The following MNAT1 variants were observed in gnomAD, a reference collection of about 807,000 sequenced individuals.
The protein encoded by MNAT1 is MNAT1 component of CDK activating kinase, also known as CDK-activating kinase assembly factor MAT1.
MNAT1 carries 43 observed loss-of-function variants against 42.0 expected under a neutral mutation model. The ratio of observed to expected loss-of-function variants is 1.02; its 90% confidence interval spans 0.80 to 1.32. MNAT1 has a LOEUF of 1.32. Among genes scored for constraint, MNAT1 ranks in the 40% most tolerant of loss-of-function variants. MNAT1 has a pLI of 0.00. For missense variants in MNAT1, 306 were observed against 350.4 expected, an observed-to-expected ratio of 0.87 and a Z score of 1.01; for synonymous variants, 118 against 120.0, an observed-to-expected ratio of 0.98 and a Z score of 0.11.
chr14:60,768,845 C>G (rs142091319), intron 1 of MNAT1, among the ~76,000 whole-genome samples: 104 of 152,302 alleles, frequency 6.8e-4, no homozygotes, highest in African/African-American at 2.4e-3. Flanking sequence ...CCATAATACA[C>G]TTTGTATAAA....
chr14:60,741,391 G>A (rs571502812), intron 1 of MNAT1, among the ~76,000 whole-genome samples: 5 of 151,864 alleles, frequency 3.3e-5, no homozygotes, highest in Non-Finnish European at 4.4e-5. Flanking sequence ...ATGGAATCTC[G>A]CTCTGTTGCC....
intron 6 of MNAT1, among the ~76,000 whole-genome samples, chr14:60,869,119 A>G (rs1237778972): frequency 2.0e-5 from 3 of 146,672 alleles, no homozygotes; most frequent in Non-Finnish European, 3.0e-5. Flanking sequence ...GCTCACTGCA[A>G]CCTCCACCTC....
intron 7 of MNAT1, among the ~76,000 whole-genome samples, chr14:60,883,173 G>C (rs186804166): frequency 6.6e-6 from 1 of 152,194 alleles, no homozygotes; most frequent in Non-Finnish European, 1.5e-5. Flanking sequence ...ATCCTGGAGC[G>C]TTTCCCCAAT....
intron 7 of MNAT1, among the ~76,000 whole-genome samples, chr14:60,909,801 A>T (rs569762143): frequency 4.3e-4 from 66 of 152,266 alleles, no homozygotes; most frequent in South Asian, 2.5e-3. Context: ...TGACTTGGCG[A>T]TGCGGGCTCT....
chr14:60,887,207 T>C (rs950444153), intron 7 of MNAT1, among the ~76,000 whole-genome samples: 5 of 152,098 alleles, frequency 3.3e-5, no homozygotes, highest in African/African-American at 1.2e-4. Flanking sequence ...AGAGCTGTTT[T>C]TTTTTCTTGT....
At chr14:60,771,492 A>G (rs1299157765) in intron 1 of MNAT1, among the ~76,000 whole-genome samples, 1 of 152,228 alleles carries the variant, frequency 6.6e-6, no homozygotes, top group Non-Finnish European at 1.5e-5. Context: ...ACAGTGGCCA[A>G]GAATGAGCCT....
At chr14:60,781,232 A>G (rs1465216255) in intron 1 of MNAT1, among the ~76,000 whole-genome samples, 1 of 152,186 alleles carries the variant, frequency 6.6e-6, no homozygotes, top group Admixed American at 6.5e-5. Context: ...GTTTTATAAA[A>G]TCAAGTTTTA....
At chr14:60,959,189 C>T (rs1407477698) in intron 7 of MNAT1, among the ~76,000 whole-genome samples, 2 of 152,166 alleles carry the variant, frequency 1.3e-5, no homozygotes, top group Non-Finnish European at 2.9e-5. Flanking sequence ...CCAGCAAAAG[C>T]CTGTTAGGGT....
chr14:60,942,672 A>G (rs2036193020), intron 7 of MNAT1, among the ~76,000 whole-genome samples: 1 of 152,268 alleles, frequency 6.6e-6, no homozygotes, highest in South Asian at 2.1e-4. Flanking sequence ...TGTAAAAATC[A>G]GCCCATTTTT....
chr14:60,810,388 G>T (rs2032505964), intron 4 of MNAT1, among the ~76,000 whole-genome samples: 2 of 151,838 alleles, frequency 1.3e-5, no homozygotes, highest in South Asian at 2.1e-4. Context: ...CTTACTTTGA[G>T]CTCAGTTTGT....
intron 6 of MNAT1, among the ~76,000 whole-genome samples, chr14:60,853,042 T>A (rs910480036): frequency 1.3e-5 from 2 of 152,146 alleles, no homozygotes; most frequent in East Asian, 3.9e-4. Context: ...CTTTTTTGGT[T>A]CCATATGAAA....
intron 7 of MNAT1, among the ~76,000 whole-genome samples, chr14:60,889,206 A>G (rs996317802): frequency 2.0e-4 from 31 of 152,226 alleles, no homozygotes; most frequent in Admixed American, 2.0e-3. Flanking sequence ...ACTATACTAC[A>G]AGGCTACAGT....
chr14:60,754,539 C>T lies in MNAT1; in HGVS notation c.89+19588C>T, dbSNP rs144378743. Among the ~76,000 whole-genome samples the T allele has an allele frequency of 5.1e-3, 781 of 151,818 alleles. 14 individuals are homozygous for T. Among genetic ancestry groups the T allele is most frequent in the African/African-American group, 0.018 (731 of 41,424 alleles). Reference sequence around the variant, plus strand: ...ATTTTTTTTTTATTTTTAGTAGAGACGGGGTTTCACCGTGTTAGCCACGAT... The same window carrying T: ...ATTTTTTTTTTATTTTTAGTAGAGATGGGGTTTCACCGTGTTAGCCACGAT... On this transcript the variant is annotated intron_variant, in intron 1 of 7. Transcript: ENST00000261245.
intron 7 of MNAT1, among the ~76,000 whole-genome samples, chr14:60,910,395 C>T (rs2035321463): frequency 1.3e-5 from 2 of 152,118 alleles, no homozygotes; most frequent in Non-Finnish European, 2.9e-5. Context: ...GCATCCCTGT[C>T]TTGTGCCAGT....
At chr14:60,797,734 T>G (rs1412850080) in intron 2 of MNAT1, among the ~76,000 whole-genome samples, 1 of 152,096 alleles carries the variant, frequency 6.6e-6, no homozygotes, top group Non-Finnish European at 1.5e-5. Context: ...GAGACCAGCC[T>G]GGCCAACATG....
At chr14:60,820,136 G>A (rs1200161932) in intron 6 of MNAT1, among the ~76,000 whole-genome samples, 1 of 152,002 alleles carries the variant, frequency 6.6e-6, no homozygotes, top group Non-Finnish European at 1.5e-5. Flanking sequence ...CAATATTGAA[G>A]TGGTGGGAGT....
At chr14:60,824,694 A>G (rs1258495671) in intron 6 of MNAT1, among the ~76,000 whole-genome samples, 1 of 152,224 alleles carries the variant, frequency 6.6e-6, no homozygotes, top group Non-Finnish European at 1.5e-5. Flanking sequence ...TGTTAACTTC[A>G]TATGATTGTT....
chr14:60,860,874 G>T (rs2034080344), intron 6 of MNAT1, among the ~76,000 whole-genome samples: 1 of 152,076 alleles, frequency 6.6e-6, no homozygotes, highest in Non-Finnish European at 1.5e-5. Context: ...GAATAAGATT[G>T]TTCTTTAAGT....
chr14:60,845,220 AG>A (rs1233483614), intron 6 of MNAT1, among the ~76,000 whole-genome samples: 1 of 151,902 alleles, frequency 6.6e-6, no homozygotes, highest in East Asian at 1.9e-4. Flanking sequence ...GTGTTTCTAT[AG>A]GGTTCAGTAG....
Sources: gnomAD v4.1 joint callset for allele counts (sites outside exome capture counted in the v4.1 genomes callset) on GRCh38, gnomAD v4.1.1 for gene constraint, MANE v1.5 for transcripts, NCBI Gene and HGNC (gene_info 2026-07-23, HGNC 2026-07-21) for gene names.